RFX2: variants seen among roughly 807,000 people sequenced by gnomAD.
RFX2 encodes DNA-binding protein RFX2.
RFX2 carries 20 observed loss-of-function variants against 87.8 expected under a neutral mutation model. The ratio of observed to expected loss-of-function variants is 0.23; its 90% CI spans 0.16 to 0.33. RFX2 has a LOEUF of 0.33. Ranked by LOEUF, RFX2 falls within the 10% of genes least tolerant of loss-of-function variation. RFX2 has a pLI of 1.00. For missense variants in RFX2, 767 were observed against 1,012.3 expected (o/e 0.76, Z 3.29); for synonymous variants, 397 against 431.3 (o/e 0.92, Z 0.98).
In RFX2 at chr19:6,001,953, G is replaced by A; in HGVS notation, c.1721C>T (p.Thr574Ile). Reference sequence around the variant, plus strand: ...GTCCAGGGAGCTCTGCTGCTGCAGGGTCAGCTTGAAATCCTGCTCCAGCCG... The same window carrying A: ...GTCCAGGGAGCTCTGCTGCTGCAGGATCAGCTTGAAATCCTGCTCCAGCCG... ...VQRLEQDFKL[T>I]LQQQSSLDQW... The change falls in exon 15 of 18, where the codon ACC becomes ATC. Residue 574 changes from threonine to isoleucine, a missense_variant. Physicochemically the swap from Thr to Ile is moderately conservative, Grantham distance 89. Around this residue, in one of 2 missense-constraint regions of RFX2, gnomAD observed 621 missense variants for 873.0 expected, o/e 0.71. Coordinates refer to ENST00000303657, the MANE Select transcript of RFX2 (RefSeq NM_000635.4). The surrounding 1 kb of genome is among the most constrained non-coding windows in gnomAD (Gnocchi z 5.6). 1 of 1,612,518 alleles carries A rather than the reference G, an allele frequency of 6.2e-7. No individual in the cohort carries two copies. The highest frequency in any genetic ancestry group is 1.3e-5 in the African/African-American group (1 of 75,054).
In RFX2 at chr19:6,010,659, G is replaced by C. The variant is rs1228667324; in HGVS notation, c.900-408C>G. 6.6e-6 allele frequency among the ~76,000 whole-genome samples: 1 copy of C among 152,172 alleles called. No homozygotes were observed. The highest frequency in any genetic ancestry group is 1.5e-5 in the Non-Finnish European group (1 of 68,042). ...CCTTTTGCAACTGGTCTCTCTCACT[G>C]AGCGTTATGTCCTCAAGGTCCACCG... On this transcript the variant is annotated intron_variant, in intron 8 of 17. Transcript: ENST00000303657. The surrounding 1 kb of genome is among the most constrained non-coding windows in gnomAD (Gnocchi z 5.0).
In RFX2 at chr19:6,011,134, T is replaced by A. The variant is rs868749159; in HGVS notation, c.900-883A>T. 4.4e-5 allele frequency among the ~76,000 whole-genome samples: 6 copies of A among 135,866 alleles called. No homozygotes were observed. The East Asian group carries it at 1.2e-3, about 26-fold the overall frequency. The allele number at this position is 135,866 out of a possible 152,430, so 89.1% of individuals were successfully genotyped here. A position where few individuals can be genotyped will look rare whatever the true frequency, so the allele number is the denominator to read the frequency against. On this transcript the variant is annotated intron_variant, in intron 8 of 17. Coordinates refer to ENST00000303657, the MANE Select transcript of RFX2 (RefSeq NM_000635.4). The surrounding 1 kb of genome is among the most constrained non-coding windows in gnomAD (Gnocchi z 4.8). The stretch of plus-strand genomic sequence containing the variant: ...TCGGTCTCAAAAAAAATAAATAAAT[T>A]AATTAAAATAAAATAAAATAAAATA...
chr19:6,060,822 C>T (rs957379178), intron 1 of RFX2, among the ~76,000 whole-genome samples: 1 of 152,058 alleles, frequency 6.6e-6, no homozygotes, highest in Non-Finnish European at 1.5e-5. Context: ...CTCCCACCCT[C>T]GGCCTCCACC....
intron 1 of RFX2, among the ~76,000 whole-genome samples, chr19:6,096,399 T>C (rs1187834897): frequency 6.6e-6 from 1 of 152,154 alleles, no homozygotes; most frequent in African/African-American, 2.4e-5. Flanking sequence ...TGTATGCTCA[T>C]AGTTGATACT....
chr19:6,081,444 A>C (rs2087783859), intron 1 of RFX2, among the ~76,000 whole-genome samples: 1 of 152,262 alleles, frequency 6.6e-6, no homozygotes, highest in South Asian at 2.1e-4. Context: ...CATTGCATGA[A>C]GGATTAAATA....
Position 6,007,079 on chromosome 19 carries a change from GCTC to G in RFX2, c.1332_1334del (p.Arg444del). ...GCGCCTGGTAGAGGATGTGGTCGCA[GCTC>G]CTCATCCACCTGAGGATGGGGTCGC... On this transcript the variant is annotated inframe_deletion, in exon 12 of 18. Transcript: ENST00000303657. This position sits in a 1 kb window ranked among gnomAD's most constrained non-coding sequence, Gnocchi z 8.2. 6.2e-7 allele frequency: 1 copy of G among 1,614,098 alleles called. No homozygotes were observed. Among genetic ancestry groups the G allele is most frequent in the South Asian group, 1.1e-5 (1 of 91,088 alleles).
chr19:6,097,325 C>T (rs1296343354), intron 1 of RFX2, among the ~76,000 whole-genome samples: 1 of 152,076 alleles, frequency 6.6e-6, no homozygotes, highest in African/African-American at 2.4e-5. Flanking sequence ...TCTTCCTAGA[C>T]CCTGGGCCCA....
Position 6,056,604 on chromosome 19 carries a change from C to A in RFX2, c.-8-9100G>T, listed in dbSNP as rs763320687. On this transcript the variant is annotated intron_variant, in intron 1 of 17. Coordinates refer to ENST00000303657, the MANE Select transcript of RFX2 (RefSeq NM_000635.4). This position sits in a 1 kb window ranked among gnomAD's most constrained non-coding sequence, Gnocchi z 4.6. ...GCACAGGGACGCACACTGTGGAGCACCTTTGCAGCACCCAGTTTGGGAACC... is the reference window on the plus strand; with the variant it reads ...GCACAGGGACGCACACTGTGGAGCAACTTTGCAGCACCCAGTTTGGGAACC... Among the ~76,000 whole-genome samples the A allele has an allele frequency of 6.6e-6, 1 of 152,148 alleles. No individual in the cohort carries two copies. The highest frequency in any genetic ancestry group is 1.5e-5 in the Non-Finnish European group (1 of 68,020).
At chr19:5,996,939 C>G (rs1389010489) in intron 16 of RFX2, 121 bp downstream of exon 16, 4 of 1,048,888 alleles carry the variant, frequency 3.8e-6, no homozygotes, top group Non-Finnish European at 5.4e-6. Flanking sequence ...AGCTGCAGCT[C>G]TGTCCGGGCG....
At chr19:6,109,289 A>AC (rs1338725800) in intron 1 of RFX2, 4 of 152,096 alleles carry the variant, frequency 2.6e-5, no homozygotes, top group Middle Eastern at 3.4e-3. Flanking sequence ...AGACTGGCGG[A>AC]CGCACGAACC....
chr19:6,061,494 T>TC lies in RFX2; in HGVS notation c.-8-13991dup, dbSNP rs1332110920. ...ACAAGTCTGGCTGATCAAGACCTTG[T>TC]CACCTGAAGACTGTCCGTAGGCAGG... On this transcript the variant is annotated intron_variant, in intron 1 of 17. Coordinates refer to ENST00000303657, the MANE Select transcript of RFX2 (RefSeq NM_000635.4). The surrounding 1 kb of genome is among the most constrained non-coding windows in gnomAD (Gnocchi z 5.2). Among the ~76,000 whole-genome samples, 1 of 152,188 alleles carries TC rather than the reference T, an allele frequency of 6.6e-6. No individual in the cohort carries two copies. Among genetic ancestry groups the TC allele is most frequent in the Non-Finnish European group, 1.5e-5 (1 of 68,034 alleles).
intron 5 of RFX2, among the ~76,000 whole-genome samples, chr19:6,033,261 A>G (rs2086973819): frequency 1.3e-5 from 2 of 152,208 alleles, no homozygotes; most frequent in African/African-American, 4.8e-5. Context: ...CCAGGACCCA[A>G]TCTGGGATCA....
chr19:6,080,347 C>T (rs1400861265), intron 1 of RFX2, among the ~76,000 whole-genome samples: 2 of 152,008 alleles, frequency 1.3e-5, no homozygotes, highest in Non-Finnish European at 2.9e-5. Flanking sequence ...CTTTGGCCTC[C>T]CAAAATGCTG....
intron 1 of RFX2, among the ~76,000 whole-genome samples, chr19:6,092,539 G>C (rs1029002216): frequency 6.6e-6 from 1 of 152,202 alleles, no homozygotes; most frequent in Non-Finnish European, 1.5e-5. Flanking sequence ...TCGAGTCCGC[G>C]CAGGAGTCAA....
chr19:6,039,587 CT>C lies in RFX2; in HGVS notation c.522+392del, dbSNP rs2087074521. Among the ~76,000 whole-genome samples the C allele has an allele frequency of 6.6e-6, 1 of 152,228 alleles. No individual in the cohort carries two copies. Among genetic ancestry groups the C allele is most frequent in the South Asian group, 2.1e-4 (1 of 4,832 alleles). On this transcript the variant is annotated intron_variant, in intron 5 of 17. Coordinates refer to ENST00000303657, the MANE Select transcript of RFX2 (RefSeq NM_000635.4). This position sits in a 1 kb window ranked among gnomAD's most constrained non-coding sequence, Gnocchi z 5.2. ...GGCAGAGGCTGCAGGGAAACTTCCC[CT>C]GCTTGATTCAGTCCAGGTGTCTCAT... is the stretch of plus-strand genomic sequence containing the variant.
At position 5,993,413 on chromosome 19, in the gene RFX2, G is replaced by C. The variant is rs1345720288; in HGVS notation, c.*1422C>G. On this transcript the variant is annotated 3_prime_UTR_variant, in exon 18 of 18. Transcript: ENST00000303657. ...CCCCTCACTCTGGCGCAGGCCCAGC[G>C]ATGCTCTGAGCTCCTGCGGGCGGGG... 6.6e-6 allele frequency: 1 copy of C among 152,242 alleles called. No individual in the cohort carries two copies. Among genetic ancestry groups the C allele is most frequent in the Non-Finnish European group, 1.5e-5 (1 of 68,048 alleles). The allele number at this position is 152,242 out of a possible 1,614,324, so 9.4% of individuals were successfully genotyped here. A position where few individuals can be genotyped will look rare whatever the true frequency, so the allele number is the denominator to read the frequency against.
In RFX2 at chr19:6,002,745, G is replaced by A. The variant is rs2086509474; in HGVS notation, c.1626C>T (p.Asn542=). Residue 542 remains asparagine, a synonymous_variant, in exon 14 of 18, where the codon AAC becomes AAT. Transcript: ENST00000303657. This position sits in a 1 kb window ranked among gnomAD's most constrained non-coding sequence, Gnocchi z 6.7. ...CCTGCACGTTGGCAAAGTCCACGCG[G>A]TTGAGGTCGCTGAGCATCTGGTTGA... ...SQINQMLSDL[N]RVDFANVQEQ... 4 of 1,613,810 alleles carry A rather than the reference G, an allele frequency of 2.5e-6. No homozygotes were observed. Among genetic ancestry groups the A allele is most frequent in the Non-Finnish European group, 3.4e-6 (4 of 1,179,962 alleles).
In RFX2 at chr19:6,022,071, G is replaced by A. The variant is rs374486770; in HGVS notation, c.597+4092C>T. ...CGAGGACGCAGTGGGGTTGGGGGCC[G>A]AGCGCCTGGAAGATTGGCTGCCCCT... On this transcript the variant is annotated intron_variant, in intron 6 of 17. Transcript: ENST00000303657. This position sits in a 1 kb window ranked among gnomAD's most constrained non-coding sequence, Gnocchi z 6.2. Among the ~76,000 whole-genome samples, 9 of 152,300 alleles carry A rather than the reference G, an allele frequency of 5.9e-5. 2 individuals carry two copies. Among genetic ancestry groups the A allele is most frequent in the African/African-American group, 1.9e-4 (8 of 41,570 alleles).
chr19:6,105,679 A>G (rs1379504600), intron 1 of RFX2, among the ~76,000 whole-genome samples: 1 of 152,060 alleles, frequency 6.6e-6, no homozygotes, highest in Non-Finnish European at 1.5e-5. Context: ...GGTGGCTGGG[A>G]CCAGAGGGGC....
Sources: allele counts gnomAD v4.1 joint callset (sites outside exome capture counted in the v4.1 genomes callset), GRCh38; gene constraint gnomAD v4.1.1; regional missense constraint gnomAD v4.1.1; non-coding constraint Gnocchi (gnomAD v3.1); transcripts MANE v1.5; gene names NCBI Gene and HGNC (gene_info 2026-07-23, HGNC 2026-07-21).